The following PCDHGA7 variants were observed in gnomAD, a reference collection of about 807,000 sequenced individuals.
PCDHGA7 encodes protocadherin gamma-A7.
A neutral mutation model predicts 58.3 loss-of-function variants in PCDHGA7; 44 were observed. That is an observed-to-expected ratio of 0.75 (90% CI 0.59 to 0.97). The LOEUF (loss-of-function observed/expected upper bound fraction) is 0.97, where lower values mean the gene tolerates loss of function less well. PCDHGA7 is among the 50% of genes least tolerant of loss of function. PCDHGA7 has a pLI of 0.00. For synonymous variants in PCDHGA7, 516 were observed against 504.2 expected (o/e 1.02, Z -0.31); for missense variants, 1,266 against 1,188.7 (o/e 1.06, Z -0.96).
chr5:141,438,627 T>TAC (rs2098030812), intron 1 of PCDHGA7, among the ~76,000 whole-genome samples: 3 of 48,012 alleles, frequency 6.2e-5, no homozygotes, highest in Non-Finnish European at 1.0e-4. Flanking sequence ...TATATATATA[T>TAC]ATATATATAC....
chr5:141,419,578 G>C (rs1339676992), intron 1 of PCDHGA7: 1 of 1,611,722 alleles, frequency 6.2e-7, no homozygotes. Flanking sequence ...ACGGCTCCGC[G>C]CTCTTCGACA....
At chr5:141,389,288 T>C (rs1434265418) in intron 1 of PCDHGA7, 1 of 1,613,906 alleles carries the variant, frequency 6.2e-7, no homozygotes, top group Admixed American at 1.7e-5. Flanking sequence ...CTGGAGCCTC[T>C]ATTTCACAAG....
At chr5:141,422,201 G>A in intron 1 of PCDHGA7, 1 of 1,562,386 alleles carries the variant, frequency 6.4e-7, no homozygotes, top group Non-Finnish European at 8.6e-7. Context: ...GGCCAAGATG[G>A]TGGAGGTCTC....
At chr5:141,466,871 T>C (rs1432611218) in intron 1 of PCDHGA7, among the ~76,000 whole-genome samples, 2 of 152,166 alleles carry the variant, frequency 1.3e-5, no homozygotes, top group African/African-American at 4.8e-5. Flanking sequence ...ATCCACACAT[T>C]TTTTTCATAA....
chr5:141,389,293 C>T, intron 1 of PCDHGA7: 3 of 1,614,036 alleles, frequency 1.9e-6, no homozygotes, highest in Non-Finnish European at 2.5e-6. Context: ...GCCTCTATTT[C>T]ACAAGTCAGG....
chr5:141,460,649 A>G (rs1171722531), intron 1 of PCDHGA7, among the ~76,000 whole-genome samples: 2 of 152,152 alleles, frequency 1.3e-5, no homozygotes, highest in Non-Finnish European at 2.9e-5. Flanking sequence ...GTGTTTACAC[A>G]TATGTAACTG....
chr5:141,394,961 G>A, intron 1 of PCDHGA7: 1 of 1,613,920 alleles, frequency 6.2e-7, no homozygotes, highest in Non-Finnish European at 8.5e-7. Flanking sequence ...GGCTCAGGCT[G>A]AGGCGCTGGC....
chr5:141,435,929 G>A (rs926025053), intron 1 of PCDHGA7, among the ~76,000 whole-genome samples: 10 of 152,134 alleles, frequency 6.6e-5, no homozygotes, highest in African/African-American at 2.4e-4. Flanking sequence ...TGCGGCAGTT[G>A]CTGCTTCTGA....
chr5:141,415,606 G>A lies in PCDHGA7; in HGVS notation c.2424+30283G>A. On this transcript the variant is annotated intron_variant, in intron 1 of 3. Transcript: ENST00000518325. ...GTTTCCTATAGAGGATACCCCATTG[G>A]TTCCAGTGAGTTTTATTTTCATTTT... The A allele has an allele frequency of 1.2e-6, 2 of 1,612,910 alleles. 1 individual carries two copies. Among genetic ancestry groups the A allele is most frequent in the East Asian group, 4.5e-5 (2 of 44,866 alleles).
chr5:141,388,729 G>T (rs1407038729), intron 1 of PCDHGA7: 10 of 1,614,012 alleles, frequency 6.2e-6, no homozygotes, highest in Non-Finnish European at 8.5e-6. Context: ...TTCTCTTTCA[G>T]TGAAGCTAGC....
At chr5:141,508,732 C>A (rs1037039751) in intron 3 of PCDHGA7, among the ~76,000 whole-genome samples, 3 of 151,880 alleles carry the variant, frequency 2.0e-5, no homozygotes, top group Non-Finnish European at 4.4e-5. Flanking sequence ...GGAGACTACA[C>A]CCCCCACCCC....
Position 141,489,934 on chromosome 5 carries a change from G to A in PCDHGA7, c.2425-4873G>A, listed in dbSNP as rs777780708. 1.7e-5 allele frequency: 28 copies of A among 1,614,176 alleles called. No homozygotes were observed. Among genetic ancestry groups the A allele is most frequent in the East Asian group, 6.7e-5 (3 of 44,876 alleles). On this transcript the variant is annotated intron_variant, in intron 1 of 3. Coordinates refer to ENST00000518325, the MANE Select transcript of PCDHGA7 (RefSeq NM_018920.4). This position sits in a 1 kb window ranked among gnomAD's most constrained non-coding sequence, Gnocchi z 4.5. ...AGGGACCACCCTTATCTCTGTCATCGTGCTGGACATCAATGATAATGCTCC... is the reference window on the plus strand; with the variant it reads ...AGGGACCACCCTTATCTCTGTCATCATGCTGGACATCAATGATAATGCTCC...
At position 141,413,874 on chromosome 5, in the gene PCDHGA7, T is replaced by G. The variant is rs1371905896; in HGVS notation, c.2424+28551T>G. ...TCCGATCTGGCACTGTCCTTGTCAG[T>G]GTGACTGTCTTCGATGCAAATGACA... is the stretch of plus-strand genomic sequence containing the variant. On this transcript the variant is annotated intron_variant, in intron 1 of 3. Coordinates refer to ENST00000518325, the MANE Select transcript of PCDHGA7 (RefSeq NM_018920.4). 6 of 1,613,306 alleles carry G rather than the reference T, an allele frequency of 3.7e-6. No homozygotes were observed. In the African/African-American group the frequency reaches 8.0e-5, roughly 22 times the overall value.
At chr5:141,392,925 G>A (rs1230996735) in intron 1 of PCDHGA7, 22 of 1,613,946 alleles carry the variant, frequency 1.4e-5, no homozygotes, top group Non-Finnish European at 1.9e-5. Flanking sequence ...TGTGCCAGAA[G>A]AGACGGACAA....
At position 141,478,749 on chromosome 5, in the gene PCDHGA7, G is replaced by A. The variant is rs1306895064; in HGVS notation, c.2425-16058G>A. On this transcript the variant is annotated intron_variant, in intron 1 of 3. Coordinates refer to ENST00000518325, the MANE Select transcript of PCDHGA7 (RefSeq NM_018920.4). ...GAGTGTGGTTTGTGGTCCCATTTCA[G>A]GGGGAAGATACTTGACTCATCTGTG... The A allele has an allele frequency of 3.3e-6, 5 of 1,524,326 alleles. No homozygotes were observed. The South Asian group carries it at 6.4e-5, about 19-fold the overall frequency. The allele number at this position is 1,524,326 out of a possible 1,614,324, so 94.4% of individuals were successfully genotyped here.
At chr5:141,433,358 C>CCTAT (rs3074541) in intron 1 of PCDHGA7, 148,925 of 502,316 alleles carry the variant, frequency 0.3, 18,760 homozygotes, top group East Asian at 0.33. Flanking sequence ...CTACTGTCTG[C>CCTAT]CTATCTATCT....
At chr5:141,428,020 C>A (rs1443722620) in intron 1 of PCDHGA7, 1 of 1,605,408 alleles carries the variant, frequency 6.2e-7, no homozygotes, top group Admixed American at 1.7e-5. Context: ...GTGCCACGCG[C>A]CGCAGAGTCC....
intron 1 of PCDHGA7, chr5:141,409,184 T>G: frequency 6.2e-7 from 1 of 1,614,044 alleles, no homozygotes; most frequent in East Asian, 2.2e-5. Context: ...AGGTGGTCTC[T>G]CTACCCAGTG....
At chr5:141,422,458 C>T (rs375149811) in intron 1 of PCDHGA7, 264 of 1,613,148 alleles carry the variant, frequency 1.6e-4, no homozygotes, top group Non-Finnish European at 2.1e-4. Context: ...AAGCAGAGTG[C>T]TGGACAGGGA....
Sources: allele counts gnomAD v4.1 joint callset (sites outside exome capture counted in the v4.1 genomes callset), GRCh38; gene constraint gnomAD v4.1.1; non-coding constraint Gnocchi (gnomAD v3.1); transcripts MANE v1.5; gene names NCBI Gene and HGNC (gene_info 2026-07-23, HGNC 2026-07-21).